The following ATRNL1 variants were observed in gnomAD, a reference collection of about 807,000 sequenced individuals.
ATRNL1 encodes the protein attractin-like protein 1.
A neutral mutation model predicts 182.7 loss-of-function variants in ATRNL1; 95 were observed. The ratio of observed to expected loss-of-function variants is 0.52; its 90% CI spans 0.44 to 0.62. ATRNL1 has a LOEUF of 0.62. ATRNL1 is among the 20% of genes least tolerant of loss of function. The pLI, the probability that ATRNL1 is intolerant of heterozygous loss-of-function variation, is 0.00. For missense variants in ATRNL1, 1,471 were observed against 1,679.5 expected (o/e 0.88, Z 2.17); for synonymous variants, 576 against 568.3 (o/e 1.01, Z -0.19).
chr10:115,636,276 G>A (rs546922271), intron 26 of ATRNL1, among the ~76,000 whole-genome samples: 14 of 151,110 alleles, frequency 9.3e-5, no homozygotes, highest in African/African-American at 2.4e-4. Context: ...ACTTAGAGAC[G>A]TAGAGGCAGC....
At chr10:115,477,493 T>G (rs1338989366) in intron 24 of ATRNL1, among the ~76,000 whole-genome samples, 1 of 151,548 alleles carries the variant, frequency 6.6e-6, no homozygotes, top group Admixed American at 6.6e-5. Flanking sequence ...CTTAAGTGAA[T>G]GAGTCCAACT....
chr10:115,200,860 CCTA>C (rs1848544683), intron 8 of ATRNL1, among the ~76,000 whole-genome samples: 1 of 144,820 alleles, frequency 6.9e-6, no homozygotes, highest in Non-Finnish European at 1.5e-5. Context: ...TAAAAGTGTT[CCTA>C]TTTCTCCACA....
chr10:115,942,335 A>G (rs1953755784), intron 28 of ATRNL1, among the ~76,000 whole-genome samples: 1 of 152,218 alleles, frequency 6.6e-6, no homozygotes, highest in African/African-American at 2.4e-5. Flanking sequence ...TTTAACTTTC[A>G]GGCTTCCATC....
chr10:115,597,434 T>C (rs1592922227), intron 26 of ATRNL1, among the ~76,000 whole-genome samples: 1 of 152,288 alleles, frequency 6.6e-6, no homozygotes, highest in East Asian at 1.9e-4. Flanking sequence ...TTTTTAGATT[T>C]ACTAAATATT....
intron 17 of ATRNL1, among the ~76,000 whole-genome samples, chr10:115,313,162 C>T (rs1777548051): frequency 7.5e-6 from 1 of 133,844 alleles, no homozygotes; most frequent in South Asian, 2.6e-4. Flanking sequence ...GGATCTATTG[C>T]TGAAGAGCTA....
intron 26 of ATRNL1, among the ~76,000 whole-genome samples, chr10:115,684,446 C>CTG (rs1946153828): frequency 1.4e-5 from 2 of 140,396 alleles, no homozygotes; most frequent in Non-Finnish European, 3.2e-5. Context: ...AAAAAAGTTT[C>CTG]TGTTTTTTTT....
At chr10:115,614,196 G>T (rs538739301) in intron 26 of ATRNL1, among the ~76,000 whole-genome samples, 1 of 152,046 alleles carries the variant, frequency 6.6e-6, no homozygotes, top group African/African-American at 2.4e-5. Context: ...TGCTTTTGCT[G>T]TATCCTGTAG....
At chr10:115,192,388 A>G (rs1848201868) in intron 8 of ATRNL1, among the ~76,000 whole-genome samples, 1 of 152,038 alleles carries the variant, frequency 6.6e-6, no homozygotes, top group Non-Finnish European at 1.5e-5. Context: ...GCACCCTTGT[A>G]AAAAACGAGT....
chr10:115,426,162 A>G, intron 20 of ATRNL1, 88 bp from the exon 21 acceptor site: 2 of 952,600 alleles, frequency 2.1e-6, no homozygotes, highest in East Asian at 5.0e-5. Flanking sequence ...GTTTTGATGT[A>G]GAATATAAAT....
intron 10 of ATRNL1, among the ~76,000 whole-genome samples, chr10:115,256,065 C>T (rs1437443657): frequency 6.6e-6 from 1 of 152,124 alleles, no homozygotes; most frequent in South Asian, 2.1e-4. Flanking sequence ...ATTTTCACAT[C>T]GATGTTCATC....
intron 25 of ATRNL1, among the ~76,000 whole-genome samples, chr10:115,534,056 G>A (rs1470080836): frequency 2.0e-5 from 3 of 151,850 alleles, no homozygotes; most frequent in African/African-American, 4.8e-5. Flanking sequence ...GGTGTGGTGT[G>A]GTGCTGAAAA....
chr10:115,936,467 T>C (rs1442874034), intron 28 of ATRNL1, among the ~76,000 whole-genome samples: 1 of 152,202 alleles, frequency 6.6e-6, no homozygotes, highest in African/African-American at 2.4e-5. Flanking sequence ...TATTTGCTTC[T>C]CAAATGATTT....
At chr10:115,847,604 T>C (rs1950959668) in intron 27 of ATRNL1, among the ~76,000 whole-genome samples, 1 of 152,122 alleles carries the variant, frequency 6.6e-6, no homozygotes, top group South Asian at 2.1e-4. Context: ...TATACATCAT[T>C]GGTGAGAGGA....
At chr10:115,856,540 T>TTTGGCA (rs1292813903) in intron 28 of ATRNL1, among the ~76,000 whole-genome samples, 3 of 151,032 alleles carry the variant, frequency 2.0e-5, no homozygotes, top group Admixed American at 2.0e-4. Context: ...TCCCCAACCT[T>TTTGGCA]TTGGCACCAG....
intron 27 of ATRNL1, among the ~76,000 whole-genome samples, chr10:115,840,093 G>A (rs1023579015): frequency 6.6e-6 from 1 of 152,136 alleles, no homozygotes; most frequent in Admixed American, 6.6e-5. Context: ...GGGAAAGTCT[G>A]TTCTCGGCAG....
intron 19 of ATRNL1, among the ~76,000 whole-genome samples, chr10:115,387,031 T>A (rs1214500533): frequency 4.6e-5 from 7 of 151,824 alleles, no homozygotes; most frequent in African/African-American, 1.7e-4. Flanking sequence ...TGTCCAACAA[T>A]GATAGACTGG....
At chr10:115,245,422 C>T (rs528018494) in intron 10 of ATRNL1, among the ~76,000 whole-genome samples, 177 of 149,854 alleles carry the variant, frequency 1.2e-3, no homozygotes, top group Non-Finnish European at 1.3e-3. Context: ...TCGCTTGTAC[C>T]CTGGAGGTGG....
intron 15 of ATRNL1, among the ~76,000 whole-genome samples, chr10:115,295,421 A>G (rs945240885): frequency 7.9e-5 from 12 of 152,066 alleles, no homozygotes; most frequent in African/African-American, 2.7e-4. Context: ...GGTGTTTCTC[A>G]GGTGCTGGAT....
At chr10:115,202,976 G>A (rs550977681) in intron 8 of ATRNL1, among the ~76,000 whole-genome samples, 13 of 151,450 alleles carry the variant, frequency 8.6e-5, no homozygotes, top group African/African-American at 2.2e-4. Flanking sequence ...TGTATGTGTC[G>A]AGGAATTTAT....
Sources: allele counts gnomAD v4.1 joint callset (sites outside exome capture counted in the v4.1 genomes callset), GRCh38; gene constraint gnomAD v4.1.1; transcripts MANE v1.5; gene names NCBI Gene and HGNC (gene_info 2026-07-23, HGNC 2026-07-21).